The following RHPN2 variants were observed in gnomAD, a reference collection of about 807,000 sequenced individuals.
The protein encoded by RHPN2 is rhophilin Rho GTPase binding protein 2, also known as rhophilin-2.
A neutral mutation model predicts 79.0 loss-of-function variants in RHPN2; 40 were observed. The ratio of observed to expected loss-of-function variants is 0.51; its 90% CI spans 0.39 to 0.66. RHPN2 has a LOEUF of 0.66. Among genes scored for constraint, RHPN2 ranks in the 30% least tolerant of loss-of-function variants. The probability of loss-of-function intolerance (pLI) is 0.00; values close to 1 mark genes in which losing one functional copy is unlikely to be tolerated. For synonymous variants in RHPN2, 285 were observed against 363.5 expected, an observed-to-expected ratio of 0.78 and a Z score of 2.46; for missense variants, 686 against 883.5, an observed-to-expected ratio of 0.78 and a Z score of 2.83.
Position 33,061,902 on chromosome 19 carries a change from A to G in RHPN2, c.69+2882T>C, listed in dbSNP as rs886864642. 4.6e-5 allele frequency among the ~76,000 whole-genome samples: 7 copies of G among 152,144 alleles called. No homozygotes were observed. In the South Asian group the frequency reaches 6.2e-4, roughly 14 times the overall value. ...AGGCTGGTCTGGAACTCCTGGCTTCAAGAGATCCGCCTGCCTCGGCCTCCC... is the reference window on the plus strand; with the variant it reads ...AGGCTGGTCTGGAACTCCTGGCTTCGAGAGATCCGCCTGCCTCGGCCTCCC... On this transcript the variant is annotated intron_variant, in intron 1 of 14. Coordinates refer to ENST00000254260, the MANE Select transcript of RHPN2 (RefSeq NM_033103.5).
chr19:32,997,471 A>T (rs1971711542), intron 10 of RHPN2, among the ~76,000 whole-genome samples: 1 of 140,798 alleles, frequency 7.1e-6, no homozygotes, highest in African/African-American at 2.8e-5. Flanking sequence ...TTGTCCTATG[A>T]TGGGTGACAG....
At chr19:32,985,874 C>T (rs752382661) in intron 14 of RHPN2, among the ~76,000 whole-genome samples, 3 of 152,180 alleles carry the variant, frequency 2.0e-5, no homozygotes, top group Admixed American at 6.5e-5. Flanking sequence ...TCAAGTGATC[C>T]GCCGGCCTTG....
At chr19:33,037,250 T>C (rs982839792) in intron 2 of RHPN2, among the ~76,000 whole-genome samples, 1 of 152,000 alleles carries the variant, frequency 6.6e-6, no homozygotes, top group African/African-American at 2.4e-5. Context: ...TGGAGAACCT[T>C]TGTGTTGACA....
At chr19:32,998,781 A>G (rs1374088662) in intron 10 of RHPN2, among the ~76,000 whole-genome samples, 1 of 139,788 alleles carries the variant, frequency 7.2e-6, no homozygotes, top group Admixed American at 7.2e-5. Context: ...AACAAGGAAC[A>G]AGGAAAGGAG....
At chr19:33,026,417 C>CG (rs1322651729) in intron 3 of RHPN2, 87 bp downstream of exon 3, 1 of 1,549,496 alleles carries the variant, frequency 6.5e-7, no homozygotes, top group Non-Finnish European at 8.8e-7. Flanking sequence ...CAGTCTAGAA[C>CG]GCTATCTGAC....
intron 1 of RHPN2, among the ~76,000 whole-genome samples, chr19:33,061,586 C>T (rs1003731322): frequency 1.3e-5 from 2 of 151,674 alleles, no homozygotes; most frequent in African/African-American, 2.4e-5. Flanking sequence ...TGGGTTCAAG[C>T]GAGTCTCCTG....
chr19:33,057,175 T>C (rs1457880116), intron 1 of RHPN2, among the ~76,000 whole-genome samples: 1 of 145,216 alleles, frequency 6.9e-6, no homozygotes, highest in Non-Finnish European at 1.5e-5. Context: ...TGAGACCGTC[T>C]CTACAAAAAA....
At chr19:33,034,853 C>T (rs1664084157) in intron 2 of RHPN2, among the ~76,000 whole-genome samples, 1 of 149,460 alleles carries the variant, frequency 6.7e-6, no homozygotes, top group Non-Finnish European at 1.5e-5. Flanking sequence ...GATCCTAGTG[C>T]TTTGAGAGGC....
At chr19:33,064,710 C>T (rs1231716509) in intron 1 of RHPN2, 74 bp downstream of exon 1, 5 of 1,460,062 alleles carry the variant, frequency 3.4e-6, no homozygotes, top group East Asian at 2.7e-5. Context: ...CGCGCTCCCA[C>T]GGCCCCTGCA....
At chr19:33,023,693 G>A (rs1018888589) in intron 3 of RHPN2, among the ~76,000 whole-genome samples, 2 of 150,812 alleles carry the variant, frequency 1.3e-5, no homozygotes, top group South Asian at 2.1e-4. Flanking sequence ...GCTGAGGCAG[G>A]AGAATGGTGT....
At chr19:33,013,901 G>A (rs1388386095) in intron 4 of RHPN2, among the ~76,000 whole-genome samples, 1 of 126,218 alleles carries the variant, frequency 7.9e-6, no homozygotes, top group Non-Finnish European at 1.9e-5. Flanking sequence ...TTGAGGCAGG[G>A]TCTCACTTTG....
chr19:33,058,109 G>A (rs1480960059), intron 1 of RHPN2, among the ~76,000 whole-genome samples: 11 of 151,716 alleles, frequency 7.3e-5, no homozygotes, highest in South Asian at 4.2e-4. Context: ...GCAGTGAGCC[G>A]AGAGTGCACC....
chr19:33,005,873 G>C (rs767662213), intron 7 of RHPN2, among the ~76,000 whole-genome samples: 4 of 152,130 alleles, frequency 2.6e-5, no homozygotes, highest in Non-Finnish European at 5.9e-5. Flanking sequence ...CATCCCGATA[G>C]ACCAATCTTT....
chr19:33,015,152 C>T (rs532520646), intron 4 of RHPN2, among the ~76,000 whole-genome samples: 7 of 150,604 alleles, frequency 4.6e-5, no homozygotes, highest in African/African-American at 1.2e-4. Flanking sequence ...TGGCCAGGCA[C>T]GGTGGCTCAC....
chr19:33,008,580 G>A (rs1355123167), intron 6 of RHPN2, among the ~76,000 whole-genome samples: 1 of 152,048 alleles, frequency 6.6e-6, no homozygotes, highest in African/African-American at 2.4e-5. Flanking sequence ...GACCAGCGTG[G>A]CCAACATGGT....
chr19:33,005,308 G>A (rs1370266096), intron 7 of RHPN2, among the ~76,000 whole-genome samples: 1 of 150,744 alleles, frequency 6.6e-6, no homozygotes, highest in Non-Finnish European at 1.5e-5. Flanking sequence ...AGCTACTCCG[G>A]AGGCTGAGGC....
chr19:33,021,913 A>AT (rs1971927437), intron 3 of RHPN2, among the ~76,000 whole-genome samples: 2 of 151,994 alleles, frequency 1.3e-5, no homozygotes, highest in Middle Eastern at 3.4e-3. Context: ...TTTATCTTCC[A>AT]GTTTCAATGC....
chr19:33,044,319 G>C lies in RHPN2; in HGVS notation c.115C>G (p.Gln39Glu), dbSNP rs1972124761. Reference sequence around the variant, plus strand: ...ATCTGCTGATTCAAAGCAGCTCTTTGATTCTGCAATTTACTCCGGCCGGTT... The same window carrying C: ...ATCTGCTGATTCAAAGCAGCTCTTTCATTCTGCAATTTACTCCGGCCGGTT... ...AQTGRSKLQN[Q>E]RAALNQQILK... Residue 39 changes from glutamine (Q) to glutamate (E), a missense_variant, in exon 2 of 15, where the codon CAA becomes GAA. By Grantham distance (29) the Gln-to-Glu change is conservative. Coordinates refer to ENST00000254260, the MANE Select transcript of RHPN2 (RefSeq NM_033103.5). 3 of 1,614,092 alleles carry C rather than the reference G, an allele frequency of 1.9e-6. No homozygotes were observed.
At chr19:33,015,818 G>GT (rs1158350357) in intron 4 of RHPN2, among the ~76,000 whole-genome samples, 56 of 152,274 alleles carry the variant, frequency 3.7e-4, no homozygotes, top group African/African-American at 1.3e-3. Flanking sequence ...CAAGGCTGAG[G>GT]TGGGCGGATC....
Sources: gnomAD v4.1 joint callset for allele counts (sites outside exome capture counted in the v4.1 genomes callset) on GRCh38, gnomAD v4.1.1 for gene constraint, MANE v1.5 for transcripts, NCBI Gene and HGNC (gene_info 2026-07-23, HGNC 2026-07-21) for gene names.